The following MRAP2 variants were observed in gnomAD, a reference collection of about 807,000 sequenced individuals.
The protein encoded by MRAP2 is melanocortin 2 receptor accessory protein 2.
Under a neutral mutation model 17.4 loss-of-function variants are expected in MRAP2, and 20 were observed. The ratio of observed to expected loss-of-function variants is 1.15; its 90% confidence interval spans 0.81 to 1.67. The LOEUF is 1.67. Ranked by LOEUF, MRAP2 falls within the 40% of genes most tolerant of loss-of-function variation. The probability of loss-of-function intolerance (pLI) is 0.00; values close to 1 mark genes in which losing one functional copy is unlikely to be tolerated. For synonymous variants in MRAP2, 96 were observed against 88.4 expected (o/e 1.09, Z -0.48); for missense variants, 238 against 240.0 (o/e 0.99, Z 0.05).
At chr6:84,038,104 G>A (rs115636738) in intron 1 of MRAP2, among the ~76,000 whole-genome samples, 1,603 of 152,342 alleles carry the variant, frequency 0.011, 33 homozygotes, top group African/African-American at 0.037. Flanking sequence ...GTTGGGCAAA[G>A]GATGTCTGAA....
chr6:84,063,049 G>T, intron 3 of MRAP2, 57 bp downstream of exon 3: 1 of 1,611,260 alleles, frequency 6.2e-7, no homozygotes, highest in East Asian at 2.2e-5. Context: ...TGAGGAAATA[G>T]AAACTACTAC....
At chr6:84,058,765 TGTG>T (rs1453416445) in intron 2 of MRAP2, among the ~76,000 whole-genome samples, 3 of 152,162 alleles carry the variant, frequency 2.0e-5, no homozygotes, top group Non-Finnish European at 2.9e-5. Context: ...ACTGGACAAT[TGTG>T]GTTTTTTGGA....
At chr6:84,049,520 A>G (rs951734648) in intron 1 of MRAP2, among the ~76,000 whole-genome samples, 8 of 152,340 alleles carry the variant, frequency 5.3e-5, no homozygotes, top group Non-Finnish European at 1.0e-4. Flanking sequence ...AGGGCATAAC[A>G]GGAAGATGTA....
chr6:84,070,159 C>A (rs1438742707), intron 3 of MRAP2, among the ~76,000 whole-genome samples: 1 of 151,734 alleles, frequency 6.6e-6, no homozygotes, highest in Non-Finnish European at 1.5e-5. Context: ...GTTCTTTTTT[C>A]TCTAGTTCCT....
At chr6:84,043,940 G>A (rs1457051472) in intron 1 of MRAP2, among the ~76,000 whole-genome samples, 2 of 152,128 alleles carry the variant, frequency 1.3e-5, no homozygotes, top group East Asian at 1.9e-4. Context: ...GCTGAAGACG[G>A]CATGTAGTGG....
At chr6:84,096,865 G>T in the MRAP2 span, among the ~76,000 whole-genome samples, 8 of 152,272 alleles carry the variant, frequency 5.3e-5, no homozygotes, top group African/African-American at 1.9e-4. Context: ...GAAGGTGCTG[G>T]TTAACATCCC....
intron 3 of MRAP2, among the ~76,000 whole-genome samples, chr6:84,064,565 G>A (rs921592742): frequency 3.3e-5 from 5 of 152,248 alleles, no homozygotes; most frequent in East Asian, 1.9e-4. Flanking sequence ...TTGGCTCACT[G>A]CAAGCTCCGC....
At chr6:84,100,882 G>T in the MRAP2 span, among the ~76,000 whole-genome samples, 1 of 152,086 alleles carries the variant, frequency 6.6e-6, no homozygotes, top group African/African-American at 2.4e-5. Flanking sequence ...TATTAAGAGA[G>T]ACCTGCAGAA....
rs1249848374 is a variant in MRAP2 at position 84,089,291 on chromosome 6, A to T, written c.428A>T (p.Gln143Leu). 1.9e-6 allele frequency: 3 copies of T among 1,614,132 alleles called. No individual in the cohort carries two copies. The African/African-American group carries it at 4.0e-5, about 22-fold the overall frequency. The change falls in exon 4 of 4, where the codon CAA becomes CTA. Residue 143 changes from glutamine (Q) to leucine (L), a missense_variant. By Grantham distance (113) the Gln-to-Leu change is moderately radical. Coordinates refer to ENST00000257776, the MANE Select transcript of MRAP2 (RefSeq NM_138409.4). Reference sequence around the variant, plus strand: ...ACCACAGCCCTTGACAGTGACGTCCAACTCCAGGAAGCCATCAGAAGCAGT... The same window carrying T: ...ACCACAGCCCTTGACAGTGACGTCCTACTCCAGGAAGCCATCAGAAGCAGT... ...HQTTALDSDV[Q>L]LQEAIRSSGQ... is the part of the protein sequence containing the mutation.
At chr6:84,041,503 G>T (rs1306904597) in intron 1 of MRAP2, among the ~76,000 whole-genome samples, 1 of 152,216 alleles carries the variant, frequency 6.6e-6, no homozygotes, top group Non-Finnish European at 1.5e-5. Flanking sequence ...CCGTGCACCT[G>T]GAAAAGCCAC....
At chr6:84,115,860 G>A in the MRAP2 span, among the ~76,000 whole-genome samples, 1 of 152,076 alleles carries the variant, frequency 6.6e-6, no homozygotes, top group Non-Finnish European at 1.5e-5. Flanking sequence ...GTGCTTCTTG[G>A]GTGAGGTGAG....
At chr6:84,097,552 A>C in the MRAP2 span, among the ~76,000 whole-genome samples, 1 of 152,170 alleles carries the variant, frequency 6.6e-6, no homozygotes, top group South Asian at 2.1e-4. Flanking sequence ...GATCCTTCTT[A>C]AAAATGTATT....
intron 2 of MRAP2, chr6:84,062,153 T>C (rs1409642493): frequency 3.1e-6 from 3 of 963,536 alleles, no homozygotes; most frequent in Non-Finnish European, 3.7e-6. Context: ...GCCTCCATTA[T>C]TTGCATACTT....
In MRAP2 at chr6:84,085,218, C is replaced by G. The variant is rs1438219403; in HGVS notation, c.228-3873C>G. ...TACAGGCACCCGCCACTGTGCCTGG[C>G]TAAGTTTTTGTATTTTTAGTAGAGA... On this transcript the variant is annotated intron_variant, in intron 3 of 3. Coordinates refer to ENST00000257776, the MANE Select transcript of MRAP2 (RefSeq NM_138409.4). Among the ~76,000 whole-genome samples the G allele has an allele frequency of 2.0e-5, 3 of 151,910 alleles. No homozygotes were observed. In the East Asian group the frequency reaches 5.8e-4, roughly 29 times the overall value.
In MRAP2 at chr6:84,047,548, G is replaced by A. The variant is rs74955727; in HGVS notation, c.-7-7764G>A. ...ACTTTTTTGTATTTTGGTTAAAAAC[G>A]CATAATATAAAATGTACCATTTTTG... On this transcript the variant is annotated intron_variant, in intron 1 of 3. Transcript: ENST00000257776. 8.1e-3 allele frequency among the ~76,000 whole-genome samples: 1,224 copies of A among 151,396 alleles called. 20 individuals are homozygous for A. The highest frequency in any genetic ancestry group is 0.028 in the African/African-American group (1,141 of 41,308).
the MRAP2 span, among the ~76,000 whole-genome samples, chr6:84,107,457 A>G: frequency 6.6e-6 from 1 of 152,206 alleles, no homozygotes; most frequent in Admixed American, 6.5e-5. Flanking sequence ...AAATGTCTTA[A>G]TAAGTCCAGA....
the MRAP2 span, among the ~76,000 whole-genome samples, chr6:84,110,869 A>G: frequency 6.6e-6 from 1 of 152,112 alleles, no homozygotes; most frequent in African/African-American, 2.4e-5. Flanking sequence ...TCCTTTCCCC[A>G]TTGCTTGTTT....
At chr6:84,121,514 G>A in the MRAP2 span, among the ~76,000 whole-genome samples, 3 of 152,070 alleles carry the variant, frequency 2.0e-5, no homozygotes, top group Non-Finnish European at 2.9e-5. Context: ...GTGTGATGGC[G>A]TGCGCCTGTA....
chr6:84,138,290 T>G, the MRAP2 span, among the ~76,000 whole-genome samples: 4 of 152,182 alleles, frequency 2.6e-5, no homozygotes, highest in Admixed American at 2.6e-4. Context: ...CACTACAGAC[T>G]GTGATTTCTG....
Sources: allele counts gnomAD v4.1 joint callset (sites outside exome capture counted in the v4.1 genomes callset), GRCh38; gene constraint gnomAD v4.1.1; transcripts MANE v1.5; gene names NCBI Gene and HGNC (gene_info 2026-07-23, HGNC 2026-07-21).